HERC1: variants seen among roughly 807,000 people sequenced by gnomAD.
HERC1 encodes HECT and RLD domain containing E3 ubiquitin protein ligase family member 1.
In HERC1, 160 loss-of-function variants were observed where a neutral mutation model predicts 554.3. The ratio of observed to expected loss-of-function variants is 0.29; its 90% confidence interval spans 0.25 to 0.33. The LOEUF (loss-of-function observed/expected upper bound fraction) is 0.33. Ranked by LOEUF, HERC1 falls within the 10% of genes least tolerant of loss-of-function variation. The probability of loss-of-function intolerance (pLI) is 1.00; values close to 1 mark genes in which losing one functional copy is unlikely to be tolerated. For synonymous variants in HERC1, 2,175 were observed against 2,131.7 expected, an observed-to-expected ratio of 1.02 and a Z score of -0.56; for missense variants, 4,919 against 5,918.5, an observed-to-expected ratio of 0.83 and a Z score of 5.54.
intron 62 of HERC1, 31 bp downstream of exon 62, chr15:63,638,680 C>T (rs764701089): frequency 4.4e-6 from 7 of 1,597,972 alleles, no homozygotes; most frequent in Non-Finnish European, 6.0e-6. Context: ...TGACTGAGAA[C>T]CATCATACAG....
chr15:63,693,916 T>C, intron 30 of HERC1, 48 bp downstream of exon 30: 1 of 1,517,952 alleles, frequency 6.6e-7, no homozygotes, highest in Non-Finnish European at 8.8e-7. Flanking sequence ...CACAATGGGG[T>C]TTTAATAAAT....
At position 63,810,489 on chromosome 15, in the gene HERC1, A is replaced by G. The variant is rs995357533; in HGVS notation, c.-27+23338T>C. The stretch of plus-strand genomic sequence containing the variant: ...GTGGTTGAAAATCTCTGGAAGACAC[A>G]TAAGAAACCAATGACAGTTAACTCT... On this transcript the variant is annotated intron_variant, in intron 1 of 77. Transcript: ENST00000443617. Among the ~76,000 whole-genome samples, 4 of 152,332 alleles carry G rather than the reference A, an allele frequency of 2.6e-5. No homozygotes were observed. The East Asian group carries it at 7.7e-4, about 29-fold the overall frequency.
chr15:63,747,378 T>C (rs1168049764), intron 11 of HERC1, among the ~76,000 whole-genome samples: 5 of 152,010 alleles, frequency 3.3e-5, no homozygotes, highest in Admixed American at 6.6e-5. Context: ...GAGAATCACT[T>C]GAACCTGGGA....
rs1469883895 is a variant in HERC1 at position 63,749,691 on chromosome 15, A to G, written c.2003T>C (p.Val668Ala). 11 of 1,594,624 alleles carry G rather than the reference A, an allele frequency of 6.9e-6. No homozygotes were observed. The highest frequency in any genetic ancestry group is 2.3e-5 in the East Asian group (1 of 44,132). Residue 668 changes from valine to alanine, a missense_variant, in exon 9 of 78, where the codon GTT (valine) becomes GCT (alanine). Val to Ala is a moderately conservative substitution (Grantham distance 64). Around this residue, in one of 11 missense-constraint regions of HERC1, gnomAD observed 744 missense variants for 1,090.0 expected, o/e 0.68. Transcript: ENST00000443617. This position sits in a 1 kb window ranked among gnomAD's most constrained non-coding sequence, Gnocchi z 4.1. ...ATGACTGTCTCCAATAGAAACATCA[A>G]CTATTCTTGTGGCAGCCAGTTCTTC... ...LIEELAATRI[V>A]DVSIGDSHCL...
chr15:63,634,911 GA>G, intron 65 of HERC1, 23 bp from the exon 66 acceptor site: 1 of 1,545,382 alleles, frequency 6.5e-7, no homozygotes, highest in Non-Finnish European at 8.7e-7. Context: ...CAAGGAGAAA[GA>G]AAATTTTTAA....
At chr15:63,767,566 C>T (rs1372669105) in intron 2 of HERC1, among the ~76,000 whole-genome samples, 8 of 152,124 alleles carry the variant, frequency 5.3e-5, no homozygotes, top group East Asian at 3.9e-4. Context: ...GGCGTGGTGG[C>T]GGGCACCTGT....
rs975082117 is a variant in HERC1 at position 63,734,950 on chromosome 15, T to G, written c.2521-101A>C. 1 of 970,856 alleles carries G rather than the reference T, an allele frequency of 1.0e-6. No individual in the cohort carries two copies. Among genetic ancestry groups the G allele is most frequent in the African/African-American group, 1.7e-5 (1 of 57,822 alleles). 60.1% of individuals were successfully genotyped at this position (970,856 alleles called of 1,614,324 possible). On this transcript the variant is annotated intron_variant, in intron 12 of 77. Coordinates refer to ENST00000443617, the MANE Select transcript of HERC1 (RefSeq NM_003922.4). This position sits in a 1 kb window ranked among gnomAD's most constrained non-coding sequence, Gnocchi z 4.6. ...ACTGACTACTAGGATCATGTAAGTC[T>G]AAAAAAGATGGCATGATAAAAAAGA...
chr15:63,644,781 T>C (rs1319602693), intron 57 of HERC1, among the ~76,000 whole-genome samples: 2 of 152,238 alleles, frequency 1.3e-5, no homozygotes, highest in Non-Finnish European at 2.9e-5. Context: ...CACCACTTAA[T>C]ATGTATAGAA....
intron 24 of HERC1, among the ~76,000 whole-genome samples, chr15:63,707,580 T>G (rs1053298975): frequency 5.3e-5 from 8 of 152,132 alleles, no homozygotes; most frequent in African/African-American, 1.9e-4. Context: ...TATCAGCAAT[T>G]TCAATTGTAC....
At chr15:63,643,205 A>G in intron 58 of HERC1, 147 bp from the exon 59 acceptor site, 1 of 821,988 alleles carries the variant, frequency 1.2e-6, no homozygotes, top group Non-Finnish European at 1.9e-6. Context: ...CTACTACAAA[A>G]TTTTCTAGGA....
intron 1 of HERC1, among the ~76,000 whole-genome samples, chr15:63,826,805 AAAAAAAAAAATATATATATATATAT>A (rs1204209302): frequency 1.5e-4 from 11 of 73,582 alleles, no homozygotes; most frequent in South Asian, 3.7e-4. Flanking sequence ...AAAAAAAAAA[AAAAAAAAAAATATATATATATATAT>A]ATATATATAT....
In HERC1 at chr15:63,681,253, G is replaced by A. The variant is rs928965743; in HGVS notation, c.6226-477C>T. 3.3e-5 allele frequency among the ~76,000 whole-genome samples: 5 copies of A among 152,236 alleles called. No individual in the cohort carries two copies. The East Asian group carries it at 9.6e-4, about 29-fold the overall frequency. The stretch of plus-strand genomic sequence containing the variant: ...GTCTCACTCTGTTTCCCAGGCTGGA[G>A]TACAGTAGCATGATCATGGCTCACT... On this transcript the variant is annotated intron_variant, in intron 34 of 77. Transcript: ENST00000443617.
chr15:63,661,697 A>T (rs974859801), intron 45 of HERC1, 56 bp downstream of exon 45: 42 of 1,559,032 alleles, frequency 2.7e-5, no homozygotes, highest in Non-Finnish European at 3.4e-5. Flanking sequence ...AGTTCCCAAG[A>T]CTTAAGGTAT....
intron 1 of HERC1, among the ~76,000 whole-genome samples, chr15:63,789,037 C>T (rs917870876): frequency 1.3e-5 from 2 of 149,384 alleles, no homozygotes. Flanking sequence ...ATGCAAAATC[C>T]ATTCCTAATA....
intron 74 of HERC1, among the ~76,000 whole-genome samples, chr15:63,620,711 GTTC>G (rs2068037952): frequency 6.6e-6 from 1 of 152,120 alleles, no homozygotes; most frequent in Non-Finnish European, 1.5e-5. Flanking sequence ...AGGATAGTTA[GTTC>G]TTCTTGTTGA....
intron 33 of HERC1, among the ~76,000 whole-genome samples, chr15:63,687,614 T>C (rs1268246138): frequency 6.6e-6 from 1 of 152,206 alleles, no homozygotes; most frequent in Admixed American, 6.5e-5. Context: ...CTCTATTCTC[T>C]GCCAGGTATC....
Position 63,749,123 on chromosome 15 carries a change from T to C in HERC1, c.2219+244A>G, listed in dbSNP as rs947304661. Among the ~76,000 whole-genome samples the C allele has an allele frequency of 1.4e-4, 21 of 152,194 alleles. No individual in the cohort carries two copies. The highest frequency in any genetic ancestry group is 4.3e-4 in the African/African-American group (18 of 41,472). On this transcript the variant is annotated intron_variant, in intron 10 of 77. Transcript: ENST00000443617. The surrounding 1 kb of genome is among the most constrained non-coding windows in gnomAD (Gnocchi z 4.1). ...TGTAGAGATGAGAGAGAACTCAAAA[T>C]GTTTAAAAGACAATGTCTTAAATAC...
intron 69 of HERC1, among the ~76,000 whole-genome samples, chr15:63,629,840 T>C (rs1273781171): frequency 1.3e-5 from 2 of 152,244 alleles, no homozygotes; most frequent in South Asian, 4.1e-4. Flanking sequence ...TGGCTCTGCA[T>C]GTGGAGCTAA....
At chr15:63,735,440 T>C (rs1351468143) in intron 12 of HERC1, among the ~76,000 whole-genome samples, 2 of 151,090 alleles carry the variant, frequency 1.3e-5, no homozygotes, top group Non-Finnish European at 2.9e-5. Context: ...ATATACCTAA[T>C]GTTAAATGAC....
Sources: gnomAD v4.1 joint callset for allele counts (sites outside exome capture counted in the v4.1 genomes callset) on GRCh38, gnomAD v4.1.1 for gene constraint, gnomAD v4.1.1 regional missense constraint, Gnocchi (gnomAD v3.1) non-coding constraint, MANE v1.5 for transcripts, NCBI Gene and HGNC (gene_info 2026-07-23, HGNC 2026-07-21) for gene names.